HEATR5A: variants seen among roughly 807,000 people sequenced by gnomAD.
HEATR5A encodes the protein HEAT repeat-containing protein 5A.
HEATR5A carries 178 observed loss-of-function variants against 218.8 expected under a neutral mutation model. The observed-to-expected ratio is 0.81, with a 90% CI of 0.72 to 0.92. The LOEUF (loss-of-function observed/expected upper bound fraction) is 0.92. HEATR5A is among the 40% of genes least tolerant of loss of function. The pLI is 0.00. For synonymous variants in HEATR5A, 864 were observed against 871.6 expected (o/e 0.99, Z 0.15); for missense variants, 2,420 against 2,418.9 (o/e 1.00, Z -0.01).
chr14:31,329,662 G>C (rs953606128), intron 22 of HEATR5A, among the ~76,000 whole-genome samples: 2 of 152,134 alleles, frequency 1.3e-5, no homozygotes. Flanking sequence ...TTTTTCAGGC[G>C]CACAGTGTAA....
chr14:31,415,280 T>G (rs2031408318), intron 1 of HEATR5A, among the ~76,000 whole-genome samples: 1 of 152,234 alleles, frequency 6.6e-6, no homozygotes, highest in Non-Finnish European at 1.5e-5. Flanking sequence ...GATGTCCAGC[T>G]AGGCTCTTTG....
intron 1 of HEATR5A, among the ~76,000 whole-genome samples, chr14:31,411,395 A>G (rs1226250218): frequency 6.6e-6 from 1 of 152,224 alleles, no homozygotes; most frequent in Non-Finnish European, 1.5e-5. Flanking sequence ...ACAAATGCAC[A>G]GGAGTGCAAA....
At chr14:31,334,228 G>A (rs1254400541) in intron 22 of HEATR5A, 8 of 327,180 alleles carry the variant, frequency 2.4e-5, no homozygotes, top group South Asian at 1.3e-4. Flanking sequence ...TCGTGGAGGC[G>A]TACAAGGAGA....
chr14:31,303,109 T>TAA (rs60210179), intron 32 of HEATR5A, among the ~76,000 whole-genome samples: 2 of 147,014 alleles, frequency 1.4e-5, no homozygotes, highest in East Asian at 2.0e-4. Context: ...AGACCCTGTC[T>TAA]AAAAAAAAAA....
intron 12 of HEATR5A, among the ~76,000 whole-genome samples, chr14:31,373,084 G>C (rs1301364862): frequency 6.6e-6 from 1 of 151,946 alleles, no homozygotes; most frequent in East Asian, 1.9e-4. Flanking sequence ...ACCATGTCTG[G>C]CTAATTTTTG....
intron 7 of HEATR5A, among the ~76,000 whole-genome samples, chr14:31,388,289 T>C (rs2030313573): frequency 6.6e-6 from 1 of 152,128 alleles, no homozygotes. Flanking sequence ...TTGCTTTGAA[T>C]GATAACGGTG....
intron 18 of HEATR5A, among the ~76,000 whole-genome samples, chr14:31,348,407 C>A (rs902859308): frequency 6.6e-6 from 1 of 150,780 alleles, no homozygotes; most frequent in Non-Finnish European, 1.5e-5. Context: ...GAGACCCTGT[C>A]TCTACTAAAA....
At chr14:31,305,904 T>C (rs1459030102) in intron 31 of HEATR5A, among the ~76,000 whole-genome samples, 1 of 152,222 alleles carries the variant, frequency 6.6e-6, no homozygotes, top group Non-Finnish European at 1.5e-5. Context: ...AATAAATCTT[T>C]GGGGTTTAAA....
intron 12 of HEATR5A, 103 bp from the exon 13 acceptor site, chr14:31,372,012 A>C: frequency 1.9e-6 from 1 of 523,710 alleles, no homozygotes; most frequent in African/African-American, 2.0e-5. Flanking sequence ...GTAATAAAGC[A>C]ATTTGCTAAA....
chr14:31,398,744 A>T lies in HEATR5A; in HGVS notation c.376T>A (p.Leu126Met). Reference sequence around the variant, plus strand: ...AAGGTGTTACCCAGTATTCTACCCAACTTCTTGTACAAGGAACCCAAACAT... The same window carrying T: ...AAGGTGTTACCCAGTATTCTACCCATCTTCTTGTACAAGGAACCCAAACAT... ...VVCLGSLYKK[L>M]GRILGNTFTD... The change falls in exon 4 of 36, where the codon TTG becomes ATG. Residue 126 changes from leucine to methionine, a missense_variant. Leu to Met is a conservative substitution (Grantham distance 15). Coordinates refer to ENST00000543095, the MANE Select transcript of HEATR5A (RefSeq NM_015473.4). The T allele has an allele frequency of 6.5e-7, 1 of 1,533,434 alleles. No individual in the cohort carries two copies. Among genetic ancestry groups the T allele is most frequent in the Non-Finnish European group, 8.7e-7 (1 of 1,144,272 alleles). The allele number at this position is 1,533,434 out of a possible 1,614,324, so 95.0% of individuals were successfully genotyped here.
chr14:31,326,476 A>C, intron 22 of HEATR5A, 134 bp from the exon 23 acceptor site: 1 of 658,720 alleles, frequency 1.5e-6, no homozygotes, highest in Non-Finnish European at 2.6e-6. Context: ...ACTGTGCTTT[A>C]ATCTACTGAG....
chr14:31,308,734 T>C (rs1331075106), intron 29 of HEATR5A, among the ~76,000 whole-genome samples, 200 bp downstream of exon 29: 2 of 152,154 alleles, frequency 1.3e-5, no homozygotes, highest in African/African-American at 4.8e-5. Context: ...GGCACTATTA[T>C]TGACACTAAT....
intron 13 of HEATR5A, among the ~76,000 whole-genome samples, chr14:31,371,117 C>G (rs2139253891): frequency 6.6e-6 from 1 of 152,298 alleles, no homozygotes; most frequent in African/African-American, 2.4e-5. Context: ...TTCATTCATT[C>G]ACCTATTATC....
intron 33 of HEATR5A, among the ~76,000 whole-genome samples, chr14:31,299,735 A>T (rs943831842): frequency 1.3e-4 from 19 of 147,336 alleles, no homozygotes; most frequent in African/African-American, 4.8e-4. Context: ...AAACAAACAA[A>T]CAAAAAAACC....
intron 18 of HEATR5A, among the ~76,000 whole-genome samples, chr14:31,348,741 C>A (rs1901104789): frequency 1.3e-5 from 2 of 152,022 alleles, no homozygotes; most frequent in Admixed American, 1.3e-4. Flanking sequence ...GATGAGGAAA[C>A]CAAAATGAAA....
chr14:31,399,516 C>A (rs1320994858), intron 3 of HEATR5A, among the ~76,000 whole-genome samples: 1 of 152,058 alleles, frequency 6.6e-6, no homozygotes, highest in Non-Finnish European at 1.5e-5. Context: ...AAAAATGAGA[C>A]CAACAAAAAC....
intron 11 of HEATR5A, among the ~76,000 whole-genome samples, chr14:31,379,090 T>C (rs1013750057): frequency 2.1e-5 from 3 of 141,714 alleles, no homozygotes; most frequent in Admixed American, 7.1e-5. Context: ...TACAGGCACA[T>C]GCCACCATGT....
At position 31,383,555 on chromosome 14, in the gene HEATR5A, T is replaced by A. The variant is rs757325727; in HGVS notation, c.1562A>T (p.His521Leu). 6.2e-7 allele frequency: 1 copy of A among 1,613,876 alleles called. No individual in the cohort carries two copies. The highest frequency in any genetic ancestry group is 8.5e-7 in the Non-Finnish European group (1 of 1,179,822). Residue 521 changes from histidine (H) to leucine (L), a missense_variant, in exon 10 of 36, where the codon CAT becomes CTT. His to Leu is a moderately conservative substitution (Grantham distance 99). Transcript: ENST00000543095. The part of the protein sequence containing the change: ...AVAALLGAVK[H>L]CPLGIPHGKG... ...TCCATGAGGAATTCCTAAAGGACAATGTTTTACTGCTCCCAACAAAGCTGC... is the reference window on the plus strand; with the variant it reads ...TCCATGAGGAATTCCTAAAGGACAAAGTTTTACTGCTCCCAACAAAGCTGC...
chr14:31,364,413 T>C, intron 13 of HEATR5A, 115 bp from the exon 14 acceptor site: 1 of 567,884 alleles, frequency 1.8e-6, no homozygotes, highest in Non-Finnish European at 3.1e-6. Flanking sequence ...TAACAAACAT[T>C]AGTGCTGCTT....
Sources: gnomAD v4.1 joint callset for allele counts (sites outside exome capture counted in the v4.1 genomes callset) on GRCh38, gnomAD v4.1.1 for gene constraint, MANE v1.5 for transcripts, NCBI Gene and HGNC (gene_info 2026-07-23, HGNC 2026-07-21) for gene names.